FHOD3: variants seen among roughly 807,000 people sequenced by gnomAD.
FHOD3 encodes the protein formin homology 2 domain containing 3, also known as FH1/FH2 domain-containing protein 3.
In FHOD3, 90 loss-of-function variants were observed where a neutral mutation model predicts 173.0. That is an observed-to-expected ratio of 0.52 (90% CI 0.44 to 0.62). The LOEUF (loss-of-function observed/expected upper bound fraction) is 0.62. Ranked by LOEUF, FHOD3 falls within the 20% of genes least tolerant of loss-of-function variation. The pLI is 0.00. For synonymous variants in FHOD3, 828 were observed against 823.0 expected (o/e 1.01, Z -0.10); for missense variants, 1,945 against 2,034.7 (o/e 0.96, Z 0.85).
At position 36,727,056 on chromosome 18, in the gene FHOD3, G is replaced by A. The variant is rs1299525537; in HGVS notation, c.3418-3590G>A. ...GATCAGAAGCAGGAGGCGAGTGCTG[G>A]GCTGCTCTGAGAAGTGGGGTTCTGG... On this transcript the variant is annotated intron_variant, in intron 19 of 28. Coordinates refer to ENST00000590592, the MANE Select transcript of FHOD3 (RefSeq NM_001281740.3). Among the ~76,000 whole-genome samples the A allele has an allele frequency of 2.0e-5, 3 of 152,026 alleles. No homozygotes were observed. In the East Asian group the frequency reaches 5.8e-4, roughly 29 times the overall value.
intron 3 of FHOD3, among the ~76,000 whole-genome samples, chr18:36,399,454 CTT>C (rs921892329): frequency 1.3e-5 from 2 of 152,120 alleles, no homozygotes; most frequent in Non-Finnish European, 2.9e-5. Flanking sequence ...TTATATGTGT[CTT>C]TTGTTTTGCA....
intron 9 of FHOD3, among the ~76,000 whole-genome samples, chr18:36,612,934 G>T (rs149660096): frequency 6.6e-6 from 1 of 152,318 alleles, no homozygotes; most frequent in East Asian, 1.9e-4. Context: ...AGAAAGGGCT[G>T]AAAGAAAAAG....
intron 3 of FHOD3, among the ~76,000 whole-genome samples, chr18:36,404,167 C>G (rs996977306): frequency 6.6e-6 from 1 of 152,222 alleles, no homozygotes; most frequent in Non-Finnish European, 1.5e-5. Context: ...GCTTTCCTGT[C>G]TCTTGGTCCT....
At chr18:36,672,301 A>G (rs2037581515) in intron 14 of FHOD3, among the ~76,000 whole-genome samples, 1 of 152,242 alleles carries the variant, frequency 6.6e-6, no homozygotes, top group Admixed American at 6.5e-5. Context: ...TGGTGGTTTA[A>G]AACAACAACC....
chr18:36,772,513 A>G (rs1401045289), intron 28 of FHOD3, among the ~76,000 whole-genome samples: 1 of 152,280 alleles, frequency 6.6e-6, no homozygotes. Context: ...CTGCTCTTGC[A>G]GGAAACAAAA....
chr18:36,351,591 A>T (rs2046130087), intron 1 of FHOD3, among the ~76,000 whole-genome samples: 1 of 152,206 alleles, frequency 6.6e-6, no homozygotes, highest in African/African-American at 2.4e-5. Flanking sequence ...TTAAAATTGA[A>T]CTGTGGAAAT....
intron 5 of FHOD3, among the ~76,000 whole-genome samples, chr18:36,528,796 G>A (rs970124897): frequency 1.3e-5 from 2 of 152,212 alleles, no homozygotes; most frequent in Non-Finnish European, 2.9e-5. Flanking sequence ...GCTGAACGAC[G>A]TTCGTTGTAC....
At chr18:36,640,140 T>C (rs553759622) in intron 10 of FHOD3, among the ~76,000 whole-genome samples, 2 of 152,346 alleles carry the variant, frequency 1.3e-5, no homozygotes, top group South Asian at 2.1e-4. Context: ...CCATGAGCTA[T>C]ACTTTATACT....
chr18:36,365,582 TAAA>T (rs745611815), intron 2 of FHOD3, among the ~76,000 whole-genome samples: 2 of 152,094 alleles, frequency 1.3e-5, no homozygotes, highest in African/African-American at 4.8e-5. Flanking sequence ...ATGAAAAAGT[TAAA>T]AAAGTTAGAT....
At chr18:36,565,382 G>C (rs2058227938) in intron 5 of FHOD3, among the ~76,000 whole-genome samples, 2 of 152,134 alleles carry the variant, frequency 1.3e-5, no homozygotes. Flanking sequence ...AGATTACTTT[G>C]ATTTAAAAAC....
At chr18:36,482,000 C>T (rs2053927444) in intron 3 of FHOD3, among the ~76,000 whole-genome samples, 1 of 151,966 alleles carries the variant, frequency 6.6e-6, no homozygotes, top group African/African-American at 2.4e-5. Context: ...ATGTCTGACA[C>T]CTTATGTCTT....
chr18:36,384,707 C>A (rs1470031247), intron 3 of FHOD3, among the ~76,000 whole-genome samples: 1 of 152,104 alleles, frequency 6.6e-6, no homozygotes, highest in East Asian at 1.9e-4. Context: ...TAGAATCAGA[C>A]AAACTGGGTT....
chr18:36,481,433 G>A (rs1209293665), intron 3 of FHOD3, among the ~76,000 whole-genome samples: 2 of 140,130 alleles, frequency 1.4e-5, no homozygotes, highest in African/African-American at 5.4e-5. Flanking sequence ...AGTGGGGGCT[G>A]GGGAAAAGGC....
Position 36,658,169 on chromosome 18 carries a change from C to G in FHOD3, c.1816C>G (p.Gln606Glu). 1 of 1,586,456 alleles carries G rather than the reference C, an allele frequency of 6.3e-7. No homozygotes were observed. Among genetic ancestry groups the G allele is most frequent in the Non-Finnish European group, 8.6e-7 (1 of 1,169,272 alleles). ...CCCCACATCATCCGTCTCACCCCCACAGGAGGCCAGGTTGGAAAGGTGAGT... is the reference window on the plus strand; with the variant it reads ...CCCCACATCATCCGTCTCACCCCCAGAGGAGGCCAGGTTGGAAAGGTGAGT... ...TTPTSSVSPP[Q>E]EARLERSSPS... is the part of the protein sequence containing the mutation. Residue 606 changes from glutamine (Q) to glutamate (E), a missense_variant, in exon 14 of 29, where the codon CAG becomes GAG. Transcript: ENST00000590592.
chr18:36,502,093 G>A, intron 4 of FHOD3, 94 bp downstream of exon 4: 1 of 708,408 alleles, frequency 1.4e-6, no homozygotes, highest in Non-Finnish European at 2.3e-6. Flanking sequence ...TGAAAAGGAA[G>A]GACAAATTTA....
chr18:36,350,336 C>A (rs1330689453), intron 1 of FHOD3, among the ~76,000 whole-genome samples: 1 of 152,226 alleles, frequency 6.6e-6, no homozygotes, highest in African/African-American at 2.4e-5. Flanking sequence ...AGATTTACAG[C>A]CCTATCTGTG....
chr18:36,517,401 G>A (rs939094134), intron 5 of FHOD3, among the ~76,000 whole-genome samples: 4 of 152,170 alleles, frequency 2.6e-5, no homozygotes, highest in African/African-American at 9.7e-5. Flanking sequence ...TCTTGAAGCA[G>A]GTCCCTGTGG....
chr18:36,397,956 GA>G (rs1264026655), intron 3 of FHOD3, among the ~76,000 whole-genome samples: 1 of 152,176 alleles, frequency 6.6e-6, no homozygotes, highest in African/African-American at 2.4e-5. Flanking sequence ...CATGTTATTG[GA>G]CAGAATTTAG....
At chr18:36,668,033 G>A (rs1312721989) in intron 14 of FHOD3, among the ~76,000 whole-genome samples, 1 of 152,128 alleles carries the variant, frequency 6.6e-6, no homozygotes, top group South Asian at 2.1e-4. Flanking sequence ...CTCATAAAAT[G>A]AGGGGAAACA....
Sources: allele counts gnomAD v4.1 joint callset (sites outside exome capture counted in the v4.1 genomes callset), GRCh38; gene constraint gnomAD v4.1.1; transcripts MANE v1.5; gene names NCBI Gene and HGNC (gene_info 2026-07-23, HGNC 2026-07-21).